Variants in TNRC18 observed in about 807,000 individuals in gnomAD.
The protein encoded by TNRC18 is trinucleotide repeat containing 18, also known as trinucleotide repeat-containing gene 18 protein.
Under a neutral mutation model 226.7 loss-of-function variants are expected in TNRC18, and 69 were observed. The ratio of observed to expected loss-of-function variants is 0.30; its 90% CI spans 0.25 to 0.37. The LOEUF is 0.37. Among genes scored for constraint, TNRC18 ranks in the 10% least tolerant of loss-of-function variants. The pLI is 1.00. For missense variants in TNRC18, 4,754 were observed against 4,256.6 expected (o/e 1.12, Z -3.25); for synonymous variants, 2,449 against 1,927.6 (o/e 1.27, Z -7.09).
At chr7:5,338,908 G>A (rs781324212) in intron 18 of TNRC18, among the ~76,000 whole-genome samples, 14 of 123,888 alleles carry the variant, frequency 1.1e-4, no homozygotes. Context: ...CAATGAGAGC[G>A]AAACTCCATC....
intron 19 of TNRC18, 103 bp downstream of exon 19, chr7:5,332,519 A>G (rs1789636901): frequency 7.6e-7 from 1 of 1,308,228 alleles, no homozygotes; most frequent in South Asian, 1.4e-5. Flanking sequence ...GTACATGGTT[A>G]TTAACAGTGA....
intron 10 of TNRC18, 93 bp from the exon 11 acceptor site, chr7:5,371,457 G>C (rs1282541567): frequency 7.2e-7 from 1 of 1,395,664 alleles, no homozygotes; most frequent in Non-Finnish European, 9.4e-7. Context: ...CAGAGACCCA[G>C]GACGCAGCCG....
In TNRC18 at chr7:5,312,745, A is replaced by C. The variant is rs1280882652; in HGVS notation, c.8146T>G (p.Ser2716Ala). 6.5e-7 allele frequency: 1 copy of C among 1,540,956 alleles called. No homozygotes were observed. The highest frequency in any genetic ancestry group is 1.4e-5 in the African/African-American group (1 of 72,258). ...GGCGCGGGCGTCTTCTTGCCTGGGG[A>C]GTGGGCCGAGGGCCGCGCCTTGCCG... The part of the protein sequence containing the change: ...QAGKARPSAH[S>A]PGKKTPAPQP... Residue 2716 changes from serine (S) to alanine (A), a missense_variant, in exon 27 of 30, where the codon TCC becomes GCC. Transcript: ENST00000430969. This position sits in a 1 kb window ranked among gnomAD's most constrained non-coding sequence, Gnocchi z 6.3.
chr7:5,420,760 G>A lies in TNRC18; in HGVS notation c.187+300C>T, dbSNP rs1044941764. 42 of 633,158 alleles carry A rather than the reference G, an allele frequency of 6.6e-5. No homozygotes were observed. In the African/African-American group the frequency reaches 7.6e-4, roughly 11 times the overall value. 39.2% of individuals were successfully genotyped at this position (633,158 alleles called of 1,614,324 possible). On this transcript the variant is annotated intron_variant, in intron 2 of 29. Transcript: ENST00000430969. ...CCCAGATTTTGAAAACTCCAGCCCA[G>A]GCTCGTGCCGCCGGGGCCCCGGGGA...
intron 2 of TNRC18, among the ~76,000 whole-genome samples, chr7:5,403,411 C>T (rs969491245): frequency 6.6e-6 from 1 of 152,150 alleles, no homozygotes; most frequent in African/African-American, 2.4e-5. Flanking sequence ...CCGCCCGCCT[C>T]GGTCTCCCAA....
intron 2 of TNRC18, among the ~76,000 whole-genome samples, chr7:5,395,572 G>A (rs1200537335): frequency 6.6e-6 from 1 of 152,272 alleles, no homozygotes; most frequent in African/African-American, 2.4e-5. Flanking sequence ...AGGTCAGAGA[G>A]AAGCATGCAG....
chr7:5,356,816 G>GA, intron 16 of TNRC18, 100 bp downstream of exon 16: 1 of 1,373,066 alleles, frequency 7.3e-7, no homozygotes, highest in East Asian at 2.5e-5. Flanking sequence ...GAGAGCGAGA[G>GA]AGAGAGTGAG....
chr7:5,383,091 G>A (rs771952092), intron 5 of TNRC18, among the ~76,000 whole-genome samples: 13 of 152,016 alleles, frequency 8.6e-5, no homozygotes, highest in Admixed American at 2.0e-4. Flanking sequence ...TTGTAGAGTC[G>A]GGGTTTCACT....
At position 5,324,416 on chromosome 7, in the gene TNRC18, G is replaced by C. The variant is rs180702507; in HGVS notation, c.6301-61C>G. On this transcript the variant is annotated intron_variant, in intron 20 of 29. Transcript: ENST00000430969. This position sits in a 1 kb window ranked among gnomAD's most constrained non-coding sequence, Gnocchi z 4.8. ...CCTGAACAGGGGTCCTGCCGGGTTG[G>C]GGACCCTCTCTGGAAACCTGGAGCC... 4.9e-5 allele frequency: 77 copies of C among 1,586,518 alleles called. 1 individual carries two copies. Among genetic ancestry groups the C allele is most frequent in the Admixed American group, 4.4e-4 (26 of 58,446 alleles).
At chr7:5,331,228 A>G (rs1789489334) in intron 19 of TNRC18, among the ~76,000 whole-genome samples, 1 of 152,116 alleles carries the variant, frequency 6.6e-6, no homozygotes, top group Non-Finnish European at 1.5e-5. Flanking sequence ...GTGGAGAGGT[A>G]TTTTGACAGA....
At chr7:5,338,355 A>G (rs368569612) in intron 18 of TNRC18, among the ~76,000 whole-genome samples, 14 of 152,310 alleles carry the variant, frequency 9.2e-5, no homozygotes, top group African/African-American at 2.6e-4. Context: ...TACCACGCCA[A>G]TTGTAACCAA....
At position 5,377,848 on chromosome 7, in the gene TNRC18, G is replaced by A. The variant is rs1298570077; in HGVS notation, c.2255+74C>T. On this transcript the variant is annotated intron_variant, in intron 6 of 29. Transcript: ENST00000430969. The surrounding 1 kb of genome is among the most constrained non-coding windows in gnomAD (Gnocchi z 5.8). ...GGTCGAGGGGCCAAGCCCACCTGGG[G>A]TCATCCAGCTGCCCCTCACCCCCAG... 2 of 1,453,196 alleles carry A rather than the reference G, an allele frequency of 1.4e-6. No individual in the cohort carries two copies. The highest frequency in any genetic ancestry group is 1.4e-5 in the African/African-American group (1 of 71,914). 90.0% of individuals were successfully genotyped at this position (1,453,196 alleles called of 1,614,324 possible). A position where few individuals can be genotyped will look rare whatever the true frequency, so the allele number is the denominator to read the frequency against.
chr7:5,375,474 C>A (rs1432912559), intron 9 of TNRC18, among the ~76,000 whole-genome samples: 1 of 152,234 alleles, frequency 6.6e-6, no homozygotes, highest in African/African-American at 2.4e-5. Flanking sequence ...AGTAAAGGCA[C>A]TTGCCCACGA....
chr7:5,362,481 C>A (rs1034772322), intron 12 of TNRC18, among the ~76,000 whole-genome samples, 169 bp downstream of exon 12: 16 of 152,240 alleles, frequency 1.1e-4, no homozygotes, highest in Admixed American at 7.2e-4. Context: ...CCGAGAAGGG[C>A]AACCACTTGA....
chr7:5,401,773 C>A (rs929795926), intron 2 of TNRC18, among the ~76,000 whole-genome samples: 3 of 152,184 alleles, frequency 2.0e-5, no homozygotes, highest in Non-Finnish European at 4.4e-5. Flanking sequence ...CTATGCTGCA[C>A]ATCGGAGGTA....
intron 2 of TNRC18, among the ~76,000 whole-genome samples, chr7:5,395,220 A>G (rs1373083316): frequency 6.6e-6 from 1 of 152,142 alleles, no homozygotes; most frequent in Non-Finnish European, 1.5e-5. Context: ...CCCCCAGCCC[A>G]TGGCTGGCAC....
Position 5,312,394 on chromosome 7 carries a change from G to C in TNRC18, c.8388+109C>G. 1 of 1,445,784 alleles carries C rather than the reference G, an allele frequency of 6.9e-7. No homozygotes were observed. The highest frequency in any genetic ancestry group is 1.4e-5 in the African/African-American group (1 of 70,072). The allele number at this position is 1,445,784 out of a possible 1,614,324, so 89.6% of individuals were successfully genotyped here. ...AGTGGGACGCCAGCCCTCCACCCTG[G>C]GGTTCTGGGAGGTTACCACACACGG... On this transcript the variant is annotated intron_variant, in intron 27 of 29. Coordinates refer to ENST00000430969, the MANE Select transcript of TNRC18 (RefSeq NM_001080495.3). This position sits in a 1 kb window ranked among gnomAD's most constrained non-coding sequence, Gnocchi z 6.3.
intron 2 of TNRC18, among the ~76,000 whole-genome samples, chr7:5,397,375 T>C (rs1780768066): frequency 6.6e-6 from 1 of 152,146 alleles, no homozygotes; most frequent in African/African-American, 2.4e-5. Context: ...CTGCCCGGGC[T>C]TGTGAAACCC....
In TNRC18 at chr7:5,374,194, G is replaced by T; in HGVS notation, c.3090C>A (p.His1030Gln). 6 of 1,420,034 alleles carry T rather than the reference G, an allele frequency of 4.2e-6. No homozygotes were observed. The highest frequency in any genetic ancestry group is 2.9e-5 in the East Asian group (1 of 34,004). The allele number at this position is 1,420,034 out of a possible 1,614,324, so 88.0% of individuals were successfully genotyped here. A position where few individuals can be genotyped will look rare whatever the true frequency, so the allele number is the denominator to read the frequency against. ...AYAYPATPSSHPTSPPPASPP... is the reference protein window; with the variant it reads ...AYAYPATPSSQPTSPPPASPP... ...GGGAGGCGGGCGGCGGGCTGGTGGG[G>T]TGGGAGCTGGGGGTGGCGGGGTAGG... The change falls in exon 10 of 30, where the codon CAC becomes CAA. Residue 1030 changes from histidine (H) to glutamine (Q), a missense_variant. His to Gln is a conservative substitution (Grantham distance 24). Transcript: ENST00000430969.
Sources: allele counts gnomAD v4.1 joint callset (sites outside exome capture counted in the v4.1 genomes callset), GRCh38; gene constraint gnomAD v4.1.1; non-coding constraint Gnocchi (gnomAD v3.1); transcripts MANE v1.5; gene names NCBI Gene and HGNC (gene_info 2026-07-23, HGNC 2026-07-21).